Variants in SGIP1 observed in about 807,000 individuals in gnomAD.
SGIP1 encodes SH3GL interacting endocytic adaptor 1.
A neutral mutation model predicts 107.5 loss-of-function variants in SGIP1; 38 were observed. The observed-to-expected ratio is 0.35, with a 90% CI of 0.27 to 0.46. The LOEUF (loss-of-function observed/expected upper bound fraction) is 0.46. SGIP1 is among the 20% of genes least tolerant of loss of function. The probability of loss-of-function intolerance (pLI) is 1.00; values close to 1 mark genes in which losing one functional copy is unlikely to be tolerated. For synonymous variants in SGIP1, 365 were observed against 366.1 expected, an observed-to-expected ratio of 1.00 and a Z score of 0.03; for missense variants, 929 against 1,019.5, an observed-to-expected ratio of 0.91 and a Z score of 1.21.
At chr1:66,615,529 C>T (rs1230426855) in intron 1 of SGIP1, among the ~76,000 whole-genome samples, 2 of 152,006 alleles carry the variant, frequency 1.3e-5, no homozygotes, top group African/African-American at 4.8e-5. Context: ...AAGGACTGGC[C>T]CCCTATTCCC....
intron 1 of SGIP1, among the ~76,000 whole-genome samples, chr1:66,552,823 A>G (rs1571220509): frequency 6.6e-6 from 1 of 152,128 alleles, no homozygotes; most frequent in African/African-American, 2.4e-5. Flanking sequence ...GGTAATTTAC[A>G]TCAGGAAATC....
At chr1:66,554,010 G>A (rs563998457) in intron 1 of SGIP1, among the ~76,000 whole-genome samples, 23 of 152,118 alleles carry the variant, frequency 1.5e-4, no homozygotes, top group Non-Finnish European at 2.5e-4. Context: ...TGGTTTATGC[G>A]GCAGTCATCT....
chr1:66,736,667 G>T (rs610295), intron 21 of SGIP1, among the ~76,000 whole-genome samples: 16,340 of 36,602 alleles, frequency 0.45, 6,547 homozygotes, highest in African/African-American at 0.73. Flanking sequence ...TATAGGTAGA[G>T]ATCATTATTA....
rs921919428 is a variant in SGIP1, at chr1:66,690,524, A to C, written c.1570+208A>C. Reference sequence around the variant, plus strand: ...CAAATGAACAAATAAAAGAACATTAACACCTGTGTTTTGCAGGAATTTTCT... The same window carrying C: ...CAAATGAACAAATAAAAGAACATTACCACCTGTGTTTTGCAGGAATTTTCT... On this transcript the variant is annotated intron_variant, in intron 17 of 24. Coordinates refer to ENST00000371037, the MANE Select transcript of SGIP1 (RefSeq NM_032291.4). 5.0e-6 allele frequency: 3 copies of C among 603,484 alleles called. No homozygotes were observed. The African/African-American group carries it at 5.6e-5, about 11-fold the overall frequency. The allele number at this position is 603,484 out of a possible 1,614,324, so 37.4% of individuals were successfully genotyped here. A position where few individuals can be genotyped will look rare whatever the true frequency, so the allele number is the denominator to read the frequency against.
At chr1:66,680,742 T>G (rs1460565761) in intron 14 of SGIP1, among the ~76,000 whole-genome samples, 2 of 152,332 alleles carry the variant, frequency 1.3e-5, no homozygotes, top group East Asian at 1.9e-4. Context: ...TGCTTCCCCA[T>G]TTATCTGTAG....
At chr1:66,627,028 T>C (rs1455446819) in intron 2 of SGIP1, among the ~76,000 whole-genome samples, 4 of 152,230 alleles carry the variant, frequency 2.6e-5, no homozygotes, top group Non-Finnish European at 5.9e-5. Flanking sequence ...ATAAAATATC[T>C]ACTACATAAA....
At chr1:66,545,619 C>T (rs2056193234) in intron 1 of SGIP1, among the ~76,000 whole-genome samples, 1 of 123,528 alleles carries the variant, frequency 8.1e-6, no homozygotes. Context: ...AGAGACAGAA[C>T]TGAACAAATT....
chr1:66,541,409 T>C (rs1450724618), intron 1 of SGIP1, among the ~76,000 whole-genome samples: 1 of 152,242 alleles, frequency 6.6e-6, no homozygotes, highest in Non-Finnish European at 1.5e-5. Context: ...CAGTGCCCCT[T>C]GGGCTCATTC....
chr1:66,651,180 C>T (rs1246959865), intron 7 of SGIP1, among the ~76,000 whole-genome samples: 1 of 152,144 alleles, frequency 6.6e-6, no homozygotes, highest in Non-Finnish European at 1.5e-5. Flanking sequence ...CAAAGTCATC[C>T]TTTAAGCTCA....
intron 1 of SGIP1, among the ~76,000 whole-genome samples, chr1:66,540,297 C>T (rs1406803686): frequency 6.6e-6 from 1 of 152,090 alleles, no homozygotes; most frequent in Non-Finnish European, 1.5e-5. Flanking sequence ...GTGATGAGCT[C>T]CTAGGAAATG....
intron 1 of SGIP1, among the ~76,000 whole-genome samples, chr1:66,618,246 C>A (rs1299645763): frequency 1.3e-5 from 2 of 152,232 alleles, no homozygotes; most frequent in African/African-American, 2.4e-5. Flanking sequence ...TGAGTCCCTG[C>A]TCTCTGGCCG....
At chr1:66,694,280 C>T (rs1394409155) in intron 17 of SGIP1, among the ~76,000 whole-genome samples, 5 of 151,338 alleles carry the variant, frequency 3.3e-5, no homozygotes, top group Admixed American at 1.3e-4. Context: ...GAAAACACTT[C>T]TTTATATCGT....
chr1:66,590,710 A>C (rs190048426), intron 1 of SGIP1: 3 of 152,218 alleles, frequency 2.0e-5, no homozygotes, highest in African/African-American at 7.2e-5. Flanking sequence ...TCTTAAGTGC[A>C]TATTACTAAG....
intron 8 of SGIP1, 92 bp downstream of exon 8, chr1:66,660,616 C>T: frequency 8.4e-7 from 1 of 1,187,310 alleles, no homozygotes; most frequent in Non-Finnish European, 1.3e-6. Flanking sequence ...CTGTGTTTAA[C>T]ACCTAAACAA....
At chr1:66,734,612 C>A (rs1297697734) in intron 21 of SGIP1, among the ~76,000 whole-genome samples, 1 of 150,910 alleles carries the variant, frequency 6.6e-6, no homozygotes, top group East Asian at 2.0e-4. Flanking sequence ...TCAAGCGATT[C>A]TCCTGCCTCA....
At position 66,589,216 on chromosome 1, in the gene SGIP1, A is replaced by ATGTGTGTGTGTGTGTGTGTGTGTG. The variant is rs1477899813; in HGVS notation, c.11-36628_11-36627insGTGTGTGTGTGTGTGTGTGTGTGT. ...TATATATATATATATATATATATATATGTAAGGCTTGGGGTAAAGAGAAGG... is the reference window on the plus strand; with the variant it reads ...TATATATATATATATATATATATATATGTGTGTGTGTGTGTGTGTGTGTGTGTAAGGCTTGGGGTAAAGAGAAGG... On this transcript the variant is annotated intron_variant, in intron 1 of 24. Coordinates refer to ENST00000371037, the MANE Select transcript of SGIP1 (RefSeq NM_032291.4). 1.8e-3 allele frequency among the ~76,000 whole-genome samples: 171 copies of ATGTGTGTGTGTGTGTGTGTGTGTG among 96,354 alleles called. 7 individuals carry two copies. Among genetic ancestry groups the ATGTGTGTGTGTGTGTGTGTGTGTG allele is most frequent in the Middle Eastern group, 5.8e-3 (1 of 172 alleles). The allele number at this position is 96,354 out of a possible 152,430, so 63.2% of individuals were successfully genotyped here.
intron 1 of SGIP1, among the ~76,000 whole-genome samples, chr1:66,557,476 G>T (rs577323507): frequency 6.6e-6 from 1 of 152,152 alleles, no homozygotes; most frequent in South Asian, 2.1e-4. Flanking sequence ...TTTAACTTGA[G>T]CCTGACATTA....
At chr1:66,662,087 C>G (rs551731570) in intron 8 of SGIP1, among the ~76,000 whole-genome samples, 25 of 152,276 alleles carry the variant, frequency 1.6e-4, no homozygotes, top group Non-Finnish European at 3.2e-4. Flanking sequence ...CAGATAAACA[C>G]CTACAATAGT....
At chr1:66,715,900 T>C (rs112917921) in intron 18 of SGIP1, among the ~76,000 whole-genome samples, 134 of 152,256 alleles carry the variant, frequency 8.8e-4, no homozygotes, top group South Asian at 1.9e-3. Context: ...TATAAGAAAA[T>C]TTTTAGCACT....
Sources: gnomAD v4.1 joint callset for allele counts (sites outside exome capture counted in the v4.1 genomes callset) on GRCh38, gnomAD v4.1.1 for gene constraint, MANE v1.5 for transcripts, NCBI Gene and HGNC (gene_info 2026-07-23, HGNC 2026-07-21) for gene names.